Variants in ZNF679 observed in about 807,000 individuals in gnomAD.
ZNF679 encodes zinc finger protein 679, also known as hypothetical protein MGC42415.
ZNF679 carries 10 observed loss-of-function variants against 13.4 expected under a neutral mutation model. The ratio of observed to expected loss-of-function variants is 0.75; its 90% CI spans 0.46 to 1.27. The LOEUF (loss-of-function observed/expected upper bound fraction) is 1.27. ZNF679 is among the 50% of genes most tolerant of loss of function. ZNF679 has a pLI of 0.00. For missense variants in ZNF679, 525 were observed against 477.8 expected (o/e 1.10, Z -0.92); for synonymous variants, 179 against 162.5 (o/e 1.10, Z -0.77).
chr7:64,265,040 TC>T (rs1253613911), intron 4 of ZNF679, among the ~76,000 whole-genome samples: 1 of 152,102 alleles, frequency 6.6e-6, no homozygotes, highest in Non-Finnish European at 1.5e-5. Context: ...ATATGGATTA[TC>T]TTATGTTTTT....
chr7:64,264,431 A>T (rs957116708), intron 4 of ZNF679, among the ~76,000 whole-genome samples: 7 of 151,944 alleles, frequency 4.6e-5, no homozygotes, highest in Admixed American at 3.3e-4. Context: ...AATACCACAG[A>T]TTTTTATTTT....
At chr7:64,246,975 G>A (rs1787878274) in intron 1 of ZNF679, among the ~76,000 whole-genome samples, 1 of 152,154 alleles carries the variant, frequency 6.6e-6, no homozygotes, top group South Asian at 2.1e-4. Flanking sequence ...TTGCAAGAAA[G>A]GGATGGGCAA....
chr7:64,251,123 T>TA (rs779879919), intron 2 of ZNF679, among the ~76,000 whole-genome samples: 9 of 151,920 alleles, frequency 5.9e-5, no homozygotes, highest in South Asian at 2.1e-4. Context: ...AATGCTTTGT[T>TA]AAAAAAAAGT....
chr7:64,257,898 G>A (rs1788024149), intron 2 of ZNF679, among the ~76,000 whole-genome samples: 1 of 152,144 alleles, frequency 6.6e-6, no homozygotes, highest in Admixed American at 6.5e-5. Flanking sequence ...CCCATTCCTG[G>A]ACCCTTTTGG....
chr7:64,236,229 C>T lies in ZNF679; in HGVS notation c.-91+7577C>T, dbSNP rs1787709802. Among the ~76,000 whole-genome samples the T allele has an allele frequency of 2.0e-5, 3 of 152,206 alleles. No homozygotes were observed. In the South Asian group the frequency reaches 6.2e-4, roughly 32 times the overall value. ...GCAGTGAGCTGAGATTGAGCCATCG[C>T]ACTCCAGCCTGGGCAACAGGATGAG... On this transcript the variant is annotated intron_variant, in intron 1 of 4. Transcript: ENST00000421025.
At chr7:64,253,126 GAAAAT>G (rs1318122479) in intron 2 of ZNF679, among the ~76,000 whole-genome samples, 1 of 152,204 alleles carries the variant, frequency 6.6e-6, no homozygotes, top group Admixed American at 6.5e-5. Context: ...ATGGAAATAA[GAAAAT>G]GATATGTGTA....
rs577357475 is a variant in ZNF679 at position 64,230,193 on chromosome 7, A to G, written c.-91+1541A>G. ...CACTCAGGCAGAAAAAGATGGTAACATAACCCAGGTGATATACCCAGAGAT... is the reference window on the plus strand; with the variant it reads ...CACTCAGGCAGAAAAAGATGGTAACGTAACCCAGGTGATATACCCAGAGAT... On this transcript the variant is annotated intron_variant, in intron 1 of 4. Transcript: ENST00000421025. Among the ~76,000 whole-genome samples the G allele has an allele frequency of 2.9e-4, 44 of 152,374 alleles. No individual in the cohort carries two copies. In the East Asian group the frequency reaches 8.1e-3, roughly 28 times the overall value.
intron 1 of ZNF679, among the ~76,000 whole-genome samples, chr7:64,242,103 A>T (rs1787806840): frequency 6.6e-6 from 1 of 152,226 alleles, no homozygotes; most frequent in South Asian, 2.1e-4. Context: ...GGGGAGTCAC[A>T]GCCTCACAGG....
intron 1 of ZNF679, among the ~76,000 whole-genome samples, chr7:64,240,855 T>C (rs538205705): frequency 6.6e-6 from 1 of 152,280 alleles, no homozygotes; most frequent in South Asian, 2.1e-4. Context: ...ATCACAACAG[T>C]GGACTAAATC....
chr7:64,245,964 C>G (rs941634085), intron 1 of ZNF679, among the ~76,000 whole-genome samples: 1 of 152,186 alleles, frequency 6.6e-6, no homozygotes, highest in Non-Finnish European at 1.5e-5. Flanking sequence ...CAAGATCTCA[C>G]GATTACACTC....
chr7:64,261,949 C>T lies in ZNF679; in HGVS notation c.262+1020C>T, dbSNP rs922690442. 3.3e-5 allele frequency among the ~76,000 whole-genome samples: 5 copies of T among 151,632 alleles called. No homozygotes were observed. The South Asian group carries it at 6.3e-4, about 19-fold the overall frequency. ...TTGGCTCAGGGCAACCTCTGCCTCC[C>T]GGGTTCAAATGATTCTCCTGCCTCA... On this transcript the variant is annotated intron_variant, in intron 4 of 4. Coordinates refer to ENST00000421025, the MANE Select transcript of ZNF679 (RefSeq NM_153363.3).
At chr7:64,235,704 G>C (rs1455843874) in intron 1 of ZNF679, among the ~76,000 whole-genome samples, 1 of 151,918 alleles carries the variant, frequency 6.6e-6, no homozygotes, top group Non-Finnish European at 1.5e-5. Context: ...CAGAAGCATC[G>C]CTGGAACCCA....
intron 1 of ZNF679, among the ~76,000 whole-genome samples, chr7:64,232,866 C>T (rs1787659568): frequency 6.6e-6 from 1 of 152,116 alleles, no homozygotes; most frequent in South Asian, 2.1e-4. Context: ...TAGACAGGTC[C>T]TAGGGAACAG....
intron 1 of ZNF679, among the ~76,000 whole-genome samples, chr7:64,244,794 G>T (rs1049956442): frequency 2.6e-5 from 4 of 152,208 alleles, no homozygotes; most frequent in Non-Finnish European, 4.4e-5. Context: ...CTCCATTGGG[G>T]TCTCCCAGAA....
At chr7:64,229,143 T>A (rs1484258453) in intron 1 of ZNF679, among the ~76,000 whole-genome samples, 1 of 152,130 alleles carries the variant, frequency 6.6e-6, no homozygotes, top group African/African-American at 2.4e-5. Flanking sequence ...GTCATCACCA[T>A]GTTTGTGAGC....
chr7:64,229,811 G>C (rs566167376), intron 1 of ZNF679, among the ~76,000 whole-genome samples: 1 of 152,304 alleles, frequency 6.6e-6, no homozygotes, highest in South Asian at 2.1e-4. Flanking sequence ...TTTCACTTCA[G>C]AGTGTGGATC....
intron 3 of ZNF679, among the ~76,000 whole-genome samples, 166 bp downstream of exon 3, chr7:64,260,513 G>A (rs1322495192): frequency 6.6e-6 from 1 of 152,026 alleles, no homozygotes; most frequent in Non-Finnish European, 1.5e-5. Flanking sequence ...GTTTTATCTT[G>A]ACCTGAACTT....
intron 1 of ZNF679, among the ~76,000 whole-genome samples, chr7:64,243,601 G>T (rs1299870400): frequency 2.0e-5 from 3 of 152,184 alleles, no homozygotes; most frequent in Non-Finnish European, 2.9e-5. Context: ...CAGGCAGAAA[G>T]GGAGAGTCAT....
chr7:64,261,298 G>T (rs1788074473), intron 4 of ZNF679, among the ~76,000 whole-genome samples: 1 of 152,062 alleles, frequency 6.6e-6, no homozygotes, highest in South Asian at 2.1e-4. Context: ...TGTCTAAAAC[G>T]TGTGAGAATA....
Sources: allele counts gnomAD v4.1 joint callset (sites outside exome capture counted in the v4.1 genomes callset), GRCh38; gene constraint gnomAD v4.1.1; transcripts MANE v1.5; gene names NCBI Gene and HGNC (gene_info 2026-07-23, HGNC 2026-07-21).